DBF4B: variants seen among roughly 807,000 people sequenced by gnomAD.
DBF4B encodes DBF4B-CDC7 kinase regulatory subunit.
DBF4B carries 49 observed loss-of-function variants against 53.4 expected under a neutral mutation model. The ratio of observed to expected loss-of-function variants is 0.92; its 90% confidence interval spans 0.73 to 1.16. The LOEUF is 1.16. DBF4B is among the 50% of genes most tolerant of loss of function. DBF4B has a pLI of 0.00. For missense variants in DBF4B, 692 were observed against 775.0 expected, an observed-to-expected ratio of 0.89 and a Z score of 1.27; for synonymous variants, 257 against 288.7, an observed-to-expected ratio of 0.89 and a Z score of 1.11.
intron 2 of DBF4B, among the ~76,000 whole-genome samples, chr17:44,718,551 G>T (rs909889492): frequency 2.0e-5 from 3 of 151,830 alleles, no homozygotes; most frequent in African/African-American, 7.3e-5. Context: ...CTAAATTTGG[G>T]TTTGTTTGGT....
intron 3 of DBF4B, among the ~76,000 whole-genome samples, chr17:44,728,523 A>G (rs1484322806): frequency 6.6e-6 from 1 of 152,166 alleles, no homozygotes; most frequent in East Asian, 1.9e-4. Context: ...TGCTGTATTA[A>G]AAAAGGTAGA....
chr17:44,730,859 G>T, intron 4 of DBF4B, 106 bp from the exon 5 acceptor site: 1 of 1,152,668 alleles, frequency 8.7e-7, no homozygotes, highest in Non-Finnish European at 1.2e-6. Context: ...CCAGCTTTCC[G>T]AGGGACATAA....
At position 44,741,277 on chromosome 17, in the gene DBF4B, C is replaced by T; in HGVS notation, c.714-59C>T. The T allele has an allele frequency of 3.9e-6, 5 of 1,268,176 alleles. No homozygotes were observed. The Admixed American group carries it at 8.4e-5, about 21-fold the overall frequency. The allele number at this position is 1,268,176 out of a possible 1,614,324, so 78.6% of individuals were successfully genotyped here. ...GGAATTCTAGGGCATTGGGCGAGGC[C>T]CCCTCCTCAGCCTTTACCTTCCCCA... On this transcript the variant is annotated intron_variant, in intron 9 of 13. Coordinates refer to ENST00000315005, the MANE Select transcript of DBF4B (RefSeq NM_145663.3).
At position 44,747,971 on chromosome 17, in the gene DBF4B, TG is replaced by T. The variant is rs1011596263; in HGVS notation, c.1065-366del. On this transcript the variant is annotated intron_variant, in intron 12 of 13. Transcript: ENST00000315005. Reference sequence around the variant, plus strand: ...CCAGCAAGGCAGACCCTCTCCCACCTGGGGCTGTGGCTTCACCTCTCACCCC... The same window carrying T: ...CCAGCAAGGCAGACCCTCTCCCACCTGGGCTGTGGCTTCACCTCTCACCCC... 7.9e-5 allele frequency among the ~76,000 whole-genome samples: 12 copies of T among 152,342 alleles called. No individual in the cohort carries two copies. In the East Asian group the frequency reaches 1.5e-3, roughly 20 times the overall value.
intron 2 of DBF4B, among the ~76,000 whole-genome samples, chr17:44,710,726 C>T (rs926475171): frequency 4.0e-5 from 6 of 151,824 alleles, no homozygotes; most frequent in Non-Finnish European, 7.4e-5. Flanking sequence ...ACACCACGCC[C>T]AGCTAATTTT....
chr17:44,724,743 G>C (rs2144869575), intron 3 of DBF4B, among the ~76,000 whole-genome samples: 1 of 152,332 alleles, frequency 6.6e-6, no homozygotes, highest in East Asian at 1.9e-4. Context: ...ACTTTGGGAG[G>C]CTGAGGTGGG....
At chr17:44,735,286 G>A (rs1975274666) in intron 7 of DBF4B, among the ~76,000 whole-genome samples, 1 of 152,194 alleles carries the variant, frequency 6.6e-6, no homozygotes, top group Admixed American at 6.5e-5. Flanking sequence ...CCCTGAAAGT[G>A]TGAACAGTTT....
intron 3 of DBF4B, among the ~76,000 whole-genome samples, chr17:44,725,601 A>T (rs1974242204): frequency 6.7e-6 from 1 of 149,548 alleles, no homozygotes; most frequent in Non-Finnish European, 1.5e-5. Context: ...TGCTTGGGCA[A>T]CTCCCTATAT....
At chr17:44,747,672 T>C (rs2049143551) in intron 12 of DBF4B, among the ~76,000 whole-genome samples, 157 bp downstream of exon 12, 1 of 152,190 alleles carries the variant, frequency 6.6e-6, no homozygotes, top group South Asian at 2.1e-4. Flanking sequence ...CTGTTTGTTT[T>C]GGGGCTGGCC....
At chr17:44,710,199 T>C (rs1972740895) in intron 2 of DBF4B, among the ~76,000 whole-genome samples, 1 of 152,146 alleles carries the variant, frequency 6.6e-6, no homozygotes, top group South Asian at 2.1e-4. Context: ...AAATACCGTC[T>C]ACTTTTACTT....
chr17:44,722,969 C>T lies in DBF4B; in HGVS notation c.172C>T (p.Pro58Ser), dbSNP rs752510415. The T allele has an allele frequency of 1.2e-6, 2 of 1,614,166 alleles. No individual in the cohort carries two copies. Among genetic ancestry groups the T allele is most frequent in the Non-Finnish European group, 8.5e-7 (1 of 1,179,992 alleles). Reference sequence around the variant, plus strand: ...CGGAAAGTCCTTTTACTTGGATCTGCCTGCTGGCAAGAATCTCCAGTTTTT... The same window carrying T: ...CGGAAAGTCCTTTTACTTGGATCTGTCTGCTGGCAAGAATCTCCAGTTTTT... ...FSGKSFYLDL[P>S]AGKNLQFLTG... is the part of the protein sequence containing the mutation. Residue 58 changes from proline to serine, a missense_variant, in exon 3 of 14, where the codon CCT becomes TCT. Physicochemically the swap from Pro to Ser is moderately conservative, Grantham distance 74. Around this residue, in one of 3 missense-constraint regions of DBF4B, gnomAD observed 29 missense variants for 57.8 expected, o/e 0.50. Transcript: ENST00000315005.
At chr17:44,716,350 T>C (rs1289129193) in intron 2 of DBF4B, among the ~76,000 whole-genome samples, 1 of 152,108 alleles carries the variant, frequency 6.6e-6, no homozygotes, top group Non-Finnish European at 1.5e-5. Flanking sequence ...CTCTGGTAAG[T>C]ATAAGCTTGT....
intron 1 of DBF4B, 181 bp downstream of exon 1, chr17:44,709,020 G>C (rs1972622445): frequency 1.2e-6 from 1 of 839,950 alleles, no homozygotes; most frequent in South Asian, 1.7e-5. Flanking sequence ...AGGTGGCAGA[G>C]GAACGTAGGG....
chr17:44,736,769 C>T, intron 7 of DBF4B, 61 bp from the exon 8 acceptor site: 1 of 1,595,162 alleles, frequency 6.3e-7, no homozygotes, highest in East Asian at 2.2e-5. Flanking sequence ...GCTTATCAGG[C>T]CCAGTTCCTT....
chr17:44,709,315 C>T lies in DBF4B; in HGVS notation c.31C>T (p.Leu11Phe), dbSNP rs772750570. ...ATGTCCTTTCTCAGGAGACGATTGC[C>T]TCGAGCTGGAGAGTTCCATGGCTGA... is the stretch of plus-strand genomic sequence containing the variant. MSEPGKGDDCLELESSMAESR... is the reference protein window; with the variant it reads MSEPGKGDDCFELESSMAESR... Residue 11 changes from leucine to phenylalanine, a missense_variant, in exon 2 of 14, where the codon CTC (leucine) becomes TTC (phenylalanine). This residue lies in a region of DBF4B where 66 missense variants were observed against 51.3 expected (regional missense o/e 1.29). Transcript: ENST00000315005. 1.2e-6 allele frequency: 2 copies of T among 1,614,074 alleles called. No homozygotes were observed. The highest frequency in any genetic ancestry group is 1.7e-6 in the Non-Finnish European group (2 of 1,180,008).
At chr17:44,719,548 T>A (rs922910286) in intron 2 of DBF4B, among the ~76,000 whole-genome samples, 16 of 152,140 alleles carry the variant, frequency 1.1e-4, no homozygotes, top group African/African-American at 3.6e-4. Flanking sequence ...AAATGTGTAG[T>A]CTTTTGTGAC....
intron 2 of DBF4B, among the ~76,000 whole-genome samples, chr17:44,714,118 G>T (rs190551746): frequency 2.0e-5 from 3 of 152,116 alleles, no homozygotes; most frequent in Non-Finnish European, 4.4e-5. Context: ...TGGGAGCTAA[G>T]CTGTGAGGAT....
At chr17:44,717,352 A>C (rs1973415466) in intron 2 of DBF4B, among the ~76,000 whole-genome samples, 1 of 152,170 alleles carries the variant, frequency 6.6e-6, no homozygotes, top group African/African-American at 2.4e-5. Context: ...AAAATAGTCA[A>C]AGGTTCCTAC....
chr17:44,713,405 C>G (rs1020194825), intron 2 of DBF4B, among the ~76,000 whole-genome samples: 2 of 151,616 alleles, frequency 1.3e-5, no homozygotes, highest in African/African-American at 4.8e-5. Context: ...GTAATCCCAG[C>G]ACTTTGGGAG....
Sources: gnomAD v4.1 joint callset for allele counts (sites outside exome capture counted in the v4.1 genomes callset) on GRCh38, gnomAD v4.1.1 for gene constraint, gnomAD v4.1.1 regional missense constraint, MANE v1.5 for transcripts, NCBI Gene and HGNC (gene_info 2026-07-23, HGNC 2026-07-21) for gene names.